Variants in DENND6A observed in about 807,000 individuals in gnomAD.
DENND6A encodes DENN domain containing 6A.
DENND6A carries 43 observed loss-of-function variants against 95.5 expected under a neutral mutation model. That is an observed-to-expected ratio of 0.45 (90% confidence interval 0.35 to 0.58). DENND6A has a LOEUF of 0.58. Among genes scored for constraint, DENND6A ranks in the 20% least tolerant of loss-of-function variants. The pLI is 0.00. For missense variants in DENND6A, 574 were observed against 736.0 expected (o/e 0.78, Z 2.55); for synonymous variants, 257 against 260.4 (o/e 0.99, Z 0.13).
chr3:57,654,064 C>A (rs1219225560), intron 9 of DENND6A, among the ~76,000 whole-genome samples: 1 of 149,140 alleles, frequency 6.7e-6, no homozygotes, highest in Admixed American at 6.8e-5. Flanking sequence ...TCTCTTGCCT[C>A]AGCCTCCCAA....
intron 5 of DENND6A, among the ~76,000 whole-genome samples, chr3:57,662,443 T>C (rs1342798354): frequency 6.6e-6 from 1 of 152,058 alleles, no homozygotes; most frequent in Admixed American, 6.6e-5. Flanking sequence ...ACTTAAGCAA[T>C]CTGCCCACCT....
chr3:57,682,853 T>C (rs2077178762), intron 1 of DENND6A, among the ~76,000 whole-genome samples: 1 of 152,138 alleles, frequency 6.6e-6, no homozygotes, highest in African/African-American at 2.4e-5. Flanking sequence ...TTTTTTTGTA[T>C]TTTCAGTAGA....
rs184272253 is a variant in DENND6A, at chr3:57,674,867, A to T, written c.238-2429T>A. ...GCTATTATCCTCAGCTAACTAATGCAGGAACTGAAAACCAAATACTGCATA... is the reference window on the plus strand; with the variant it reads ...GCTATTATCCTCAGCTAACTAATGCTGGAACTGAAAACCAAATACTGCATA... On this transcript the variant is annotated intron_variant, in intron 1 of 19. Transcript: ENST00000311128. 1.1e-4 allele frequency among the ~76,000 whole-genome samples: 17 copies of T among 152,362 alleles called. No individual in the cohort carries two copies. In the East Asian group the frequency reaches 2.9e-3, roughly 26 times the overall value.
intron 15 of DENND6A, among the ~76,000 whole-genome samples, chr3:57,632,082 C>T (rs536995206): frequency 4.3e-4 from 62 of 145,374 alleles, no homozygotes; most frequent in Admixed American, 4.3e-4. Flanking sequence ...TGCAGTGGCG[C>T]GATCTCAGCT....
At chr3:57,684,754 C>T (rs533692527) in intron 1 of DENND6A, among the ~76,000 whole-genome samples, 12 of 152,262 alleles carry the variant, frequency 7.9e-5, no homozygotes, top group East Asian at 7.7e-4. Context: ...CACAGCATGA[C>T]CCTGTCTCAA....
intron 1 of DENND6A, among the ~76,000 whole-genome samples, chr3:57,672,904 T>G (rs143888521): frequency 0.01 from 1,534 of 151,788 alleles, 29 homozygotes; most frequent in African/African-American, 0.035. Context: ...ATGCAGTACA[T>G]ATACATAATG....
At chr3:57,680,352 C>T (rs1418670675) in intron 1 of DENND6A, among the ~76,000 whole-genome samples, 2 of 152,298 alleles carry the variant, frequency 1.3e-5, no homozygotes, top group African/African-American at 2.4e-5. Flanking sequence ...AAGGTGATAG[C>T]GGTATTAGGA....
rs1383152986 is a variant in DENND6A at position 57,686,195 on chromosome 3, T to C, written c.237+6587A>G. Among the ~76,000 whole-genome samples, 6 of 152,156 alleles carry C rather than the reference T, an allele frequency of 3.9e-5. No homozygotes were observed. The East Asian group carries it at 1.2e-3, about 29-fold the overall frequency. The stretch of plus-strand genomic sequence containing the variant: ...ATAAGCATTAACAGATATTTCCATA[T>C]CCCAGGTAAAACAGAACATAATCCT... On this transcript the variant is annotated intron_variant, in intron 1 of 19. Transcript: ENST00000311128.
At chr3:57,683,570 G>A (rs909303694) in intron 1 of DENND6A, among the ~76,000 whole-genome samples, 1 of 152,162 alleles carries the variant, frequency 6.6e-6, no homozygotes, top group African/African-American at 2.4e-5. Flanking sequence ...TCACAAAAAT[G>A]CTAAAAGCAG....
At chr3:57,666,092 A>G (rs763696906) in intron 4 of DENND6A, 31 bp downstream of exon 4, 14 of 1,573,470 alleles carry the variant, frequency 8.9e-6, no homozygotes, top group Middle Eastern at 1.7e-4. Context: ...TTCCTCTCAC[A>G]TGGACATTTT....
At chr3:57,689,181 T>C (rs1209960591) in intron 1 of DENND6A, among the ~76,000 whole-genome samples, 2 of 151,902 alleles carry the variant, frequency 1.3e-5, no homozygotes, top group Non-Finnish European at 2.9e-5. Flanking sequence ...TCTCGATCTC[T>C]TGACCTCGTG....
intron 5 of DENND6A, among the ~76,000 whole-genome samples, chr3:57,662,847 G>A (rs1001697075): frequency 4.0e-5 from 6 of 151,862 alleles, no homozygotes; most frequent in Admixed American, 6.6e-5. Flanking sequence ...GGCCAGGCAC[G>A]GTGGCTCATG....
At chr3:57,634,325 C>T (rs1291354816) in intron 14 of DENND6A, among the ~76,000 whole-genome samples, 1 of 151,046 alleles carries the variant, frequency 6.6e-6, no homozygotes, top group African/African-American at 2.4e-5. Flanking sequence ...TCCAGCTGCT[C>T]AGGAGGCTGA....
chr3:57,666,205 C>T lies in DENND6A; in HGVS notation c.350G>A (p.Arg117Lys). 1 of 1,613,524 alleles carries T rather than the reference C, an allele frequency of 6.2e-7. No homozygotes were observed. Among genetic ancestry groups the T allele is most frequent in the Non-Finnish European group, 8.5e-7 (1 of 1,179,688 alleles). Residue 117 changes from arginine (R) to lysine (K), a missense_variant, in exon 4 of 20, where the codon AGA (arginine) becomes AAA (lysine). By Grantham distance (26) the Arg-to-Lys change is conservative (BLOSUM62 2). This residue lies in a region of DENND6A where 452 missense variants were observed against 630.9 expected (regional missense o/e 0.72). Coordinates refer to ENST00000311128, the MANE Select transcript of DENND6A (RefSeq NM_152678.3). The stretch of plus-strand genomic sequence containing the variant: ...CCTCCTCCCAGAAGACTGTCGAAAT[C>T]TAAAACAAAACTGGGTATCTCCAAG... ...GCLGDTQFCF[R>K]FRQSSGRRVS...
chr3:57,653,132 T>C (rs180773588), intron 9 of DENND6A, among the ~76,000 whole-genome samples: 5 of 152,336 alleles, frequency 3.3e-5, no homozygotes, highest in African/African-American at 9.6e-5. Flanking sequence ...GAAAAAAGTC[T>C]TCTGTATTGT....
chr3:57,632,573 A>G (rs1288027361), intron 15 of DENND6A, among the ~76,000 whole-genome samples: 1 of 152,152 alleles, frequency 6.6e-6, no homozygotes. Flanking sequence ...AAGAAATAAT[A>G]TTTCTTTCTA....
intron 1 of DENND6A, among the ~76,000 whole-genome samples, chr3:57,683,087 T>C (rs1390941404): frequency 6.6e-6 from 1 of 152,192 alleles, no homozygotes; most frequent in South Asian, 2.1e-4. Context: ...TAGGTACTTA[T>C]TATGGCCTAT....
Position 57,651,407 on chromosome 3 carries a change from G to C in DENND6A, c.819-4969C>G, listed in dbSNP as rs118046510. Among the ~76,000 whole-genome samples the C allele has an allele frequency of 3.3e-4, 51 of 152,270 alleles. No individual in the cohort carries two copies. The East Asian group carries it at 8.1e-3, about 24-fold the overall frequency. ...ACATTATTCTGGGTGAAGGAAGACAGACACAAAAGGTCACATTTTGTATGA... is the reference window on the plus strand; with the variant it reads ...ACATTATTCTGGGTGAAGGAAGACACACACAAAAGGTCACATTTTGTATGA... On this transcript the variant is annotated intron_variant, in intron 9 of 19. Transcript: ENST00000311128.
chr3:57,633,915 A>G (rs1036043196), intron 14 of DENND6A, among the ~76,000 whole-genome samples: 25 of 152,040 alleles, frequency 1.6e-4, no homozygotes, highest in African/African-American at 5.8e-4. Flanking sequence ...TGAGTTCACT[A>G]TAAAGACAAT....
Sources: gnomAD v4.1 joint callset for allele counts (sites outside exome capture counted in the v4.1 genomes callset) on GRCh38, gnomAD v4.1.1 for gene constraint, gnomAD v4.1.1 regional missense constraint, MANE v1.5 for transcripts, NCBI Gene and HGNC (gene_info 2026-07-23, HGNC 2026-07-21) for gene names.